PIKFYVE: variants seen among roughly 807,000 people sequenced by gnomAD.
PIKFYVE encodes the protein 1-phosphatidylinositol 3-phosphate 5-kinase.
In PIKFYVE, 122 loss-of-function variants were observed where a neutral mutation model predicts 257.9. The ratio of observed to expected loss-of-function variants is 0.47; its 90% CI spans 0.41 to 0.55. The LOEUF (loss-of-function observed/expected upper bound fraction) is 0.55, where lower values mean the gene tolerates loss of function less well. Ranked by LOEUF, PIKFYVE falls within the 20% of genes least tolerant of loss-of-function variation. The probability of loss-of-function intolerance (pLI) is 0.00; values close to 1 mark genes in which losing one functional copy is unlikely to be tolerated. For synonymous variants in PIKFYVE, 892 were observed against 868.9 expected, an observed-to-expected ratio of 1.03 and a Z score of -0.47; for missense variants, 2,160 against 2,536.6, an observed-to-expected ratio of 0.85 and a Z score of 3.19.
rs1307388480 is a variant in PIKFYVE, at chr2:208,351,356, T to C, written c.5616T>C (p.Asp1872=). ...CATAAAATTTCTGCCTTTTAGATGA[T>C]AGATTTATTTTGAAGCAAATGCCTC... ...SGAAFYATED[D]RFILKQMPRL... The change falls in exon 38 of 42, where the codon GAT becomes GAC. Residue 1872 remains aspartate (D), a synonymous_variant. Coordinates refer to ENST00000264380, the MANE Select transcript of PIKFYVE (RefSeq NM_015040.4). 9 of 1,610,986 alleles carry C rather than the reference T, an allele frequency of 5.6e-6. No individual in the cohort carries two copies. In the Admixed American group the frequency reaches 1.2e-4, roughly 21 times the overall value.
intron 16 of PIKFYVE, 74 bp downstream of exon 16, chr2:208,318,015 T>A: frequency 1.4e-6 from 2 of 1,418,384 alleles, no homozygotes; most frequent in South Asian, 2.3e-5. Context: ...TGGGGCACCT[T>A]AGTTATGGAA....
intron 12 of PIKFYVE, among the ~76,000 whole-genome samples, chr2:208,309,616 C>T (rs564322167): frequency 9.5e-4 from 144 of 152,174 alleles, no homozygotes; most frequent in South Asian, 1.9e-3. Context: ...GGAAAAAAGA[C>T]GTGGTGTTTC....
At chr2:208,288,689 T>G in intron 6 of PIKFYVE, 40 bp from the exon 7 acceptor site, 1 of 1,611,858 alleles carries the variant, frequency 6.2e-7, no homozygotes, top group Non-Finnish European at 8.5e-7. Context: ...TCCCTTTTAC[T>G]GTCCTGAATT....
At position 208,328,198 on chromosome 2, in the gene PIKFYVE, A is replaced by G. The variant is rs771056749; in HGVS notation, c.3637A>G (p.Ile1213Val). ...ATTTCAGGTGGACTGTCTGAATCCCATTAATCACCAGAGACTTTGTGTGCT... is the reference window on the plus strand; with the variant it reads ...ATTTCAGGTGGACTGTCTGAATCCCGTTAATCACCAGAGACTTTGTGTGCT... ...WSTKVDCLNPINHQRLCVLFS... is the reference protein window; with the variant it reads ...WSTKVDCLNPVNHQRLCVLFS... The change falls in exon 21 of 42, where the codon ATT becomes GTT. Residue 1213 changes from isoleucine (I) to valine (V), a missense_variant. Ile to Val is a conservative substitution (Grantham distance 29, BLOSUM62 3). Transcript: ENST00000264380. 43 of 1,613,710 alleles carry G rather than the reference A, an allele frequency of 2.7e-5. No homozygotes were observed. Among genetic ancestry groups the G allele is most frequent in the Non-Finnish European group, 3.4e-5 (40 of 1,179,824 alleles).
chr2:208,298,341 GT>G (rs1270854798), intron 7 of PIKFYVE, among the ~76,000 whole-genome samples: 1 of 151,782 alleles, frequency 6.6e-6, no homozygotes, highest in Non-Finnish European at 1.5e-5. Flanking sequence ...CTATGTAATT[GT>G]TTTCCTGTAA....
Position 208,326,040 on chromosome 2 carries a change from A to T in PIKFYVE, c.3229A>T (p.Thr1077Ser). The change falls in exon 20 of 42, where the codon ACC becomes TCC. Residue 1077 changes from threonine to serine, a missense_variant. This residue lies in a region of PIKFYVE where 522 missense variants were observed against 514.6 expected (regional missense o/e 1.01). Transcript: ENST00000264380. ...LLTEKGMRCS[T>S]RDYFAEQVYW... ...AACTGAAAAGGGGATGAGATGCTCTACCCGAGATTATTTTGCAGAGCAGGT... is the reference window on the plus strand; with the variant it reads ...AACTGAAAAGGGGATGAGATGCTCTTCCCGAGATTATTTTGCAGAGCAGGT... The T allele has an allele frequency of 6.2e-7, 1 of 1,614,158 alleles. No homozygotes were observed. The highest frequency in any genetic ancestry group is 1.1e-5 in the South Asian group (1 of 91,086).
chr2:208,338,590 T>A (rs568929828), intron 29 of PIKFYVE, 22 bp downstream of exon 29: 12 of 1,602,324 alleles, frequency 7.5e-6, no homozygotes, highest in South Asian at 6.6e-5. Context: ...AGTCTGGTGA[T>A]CACTTGCCGT....
In PIKFYVE at chr2:208,355,317, T is replaced by G. The variant is rs1700101830; in HGVS notation, c.*12T>G. 1 of 1,592,346 alleles carries G rather than the reference T, an allele frequency of 6.3e-7. No homozygotes were observed. Among genetic ancestry groups the G allele is most frequent in the Admixed American group, 1.7e-5 (1 of 59,898 alleles). The stretch of plus-strand genomic sequence containing the variant: ...GTCTGAATTGCTGAAATCAAGCACA[T>G]ATTTTGAAATGGACTGTGAAGGAAA... On this transcript the variant is annotated 3_prime_UTR_variant, in exon 42 of 42. Coordinates refer to ENST00000264380, the MANE Select transcript of PIKFYVE (RefSeq NM_015040.4).
At chr2:208,334,426 T>C (rs1697900339) in intron 24 of PIKFYVE, 1 of 152,996 alleles carries the variant, frequency 6.5e-6, no homozygotes, top group Admixed American at 6.5e-5. Context: ...ACCTCTCTGC[T>C]CTTACCTCCT....
In PIKFYVE at chr2:208,320,237, G is replaced by A. The variant is rs765286521; in HGVS notation, c.2083-15G>A. On this transcript the variant is annotated splice_polypyrimidine_tract_variant and intron_variant, in intron 16 of 41. Coordinates refer to ENST00000264380, the MANE Select transcript of PIKFYVE (RefSeq NM_015040.4). ...AAACCTTTAAACACTTTAACAAACT[G>A]TTCATTTTTTGTAGATGAGTTCTTG... 6.2e-7 allele frequency: 1 copy of A among 1,609,018 alleles called. No homozygotes were observed. The highest frequency in any genetic ancestry group is 1.7e-5 in the Admixed American group (1 of 59,756).
chr2:208,321,447 C>T (rs1260972753), intron 17 of PIKFYVE, among the ~76,000 whole-genome samples: 1 of 152,110 alleles, frequency 6.6e-6, no homozygotes, highest in African/African-American at 2.4e-5. Context: ...ACTCTGTGAC[C>T]TGGGGCTGTT....
intron 29 of PIKFYVE, 117 bp downstream of exon 29, chr2:208,338,685 T>A (rs1698410908): frequency 3.1e-6 from 3 of 955,674 alleles, no homozygotes. Flanking sequence ...AGACTTCTTT[T>A]CCTTCCTGTA....
Position 208,355,502 on chromosome 2 carries a change from G to T in PIKFYVE, c.*197G>T. 1.8e-6 allele frequency: 1 copy of T among 558,724 alleles called. No individual in the cohort carries two copies. The highest frequency in any genetic ancestry group is 3.2e-5 in the Admixed American group (1 of 31,684). 34.6% of individuals were successfully genotyped at this position (558,724 alleles called of 1,614,324 possible). On this transcript the variant is annotated 3_prime_UTR_variant, in exon 42 of 42. Coordinates refer to ENST00000264380, the MANE Select transcript of PIKFYVE (RefSeq NM_015040.4). ...TGCACTTTGGTTTTTGATACCTGTGGAGCTGTCTGTAGGTTGGGAAGTGGC... is the reference window on the plus strand; with the variant it reads ...TGCACTTTGGTTTTTGATACCTGTGTAGCTGTCTGTAGGTTGGGAAGTGGC...
chr2:208,334,410 C>T (rs1393814642), intron 24 of PIKFYVE: 1 of 153,316 alleles, frequency 6.5e-6, no homozygotes, highest in Non-Finnish European at 1.5e-5. Flanking sequence ...GCACTGGCTG[C>T]CCAGGACCTC....
At chr2:208,270,216 A>AT (rs1482653366) in intron 1 of PIKFYVE, among the ~76,000 whole-genome samples, 1 of 151,172 alleles carries the variant, frequency 6.6e-6, no homozygotes, top group Non-Finnish European at 1.5e-5. Flanking sequence ...TAATTTTTGT[A>AT]TTTTTGGTAG....
At chr2:208,342,467 T>A (rs888797744) in intron 31 of PIKFYVE, 87 bp from the exon 32 acceptor site, 3 of 950,138 alleles carry the variant, frequency 3.2e-6, no homozygotes, top group Non-Finnish European at 5.0e-6. Context: ...ATTCAGGTTA[T>A]CATATCTGCA....
At chr2:208,335,477 C>G in intron 25 of PIKFYVE, 58 bp downstream of exon 25, 1 of 1,262,254 alleles carries the variant, frequency 7.9e-7, no homozygotes, top group Non-Finnish European at 1.1e-6. Context: ...TTTAAAGTAT[C>G]AGATTTATTC....
At chr2:208,283,052 A>AC (rs938429048) in intron 5 of PIKFYVE, among the ~76,000 whole-genome samples, 1 of 151,644 alleles carries the variant, frequency 6.6e-6, no homozygotes, top group African/African-American at 2.4e-5. Context: ...CTCGCCACTC[A>AC]CCTCCTGCTG....
intron 21 of PIKFYVE, among the ~76,000 whole-genome samples, 173 bp from the exon 22 acceptor site, chr2:208,329,669 C>T (rs985458220): frequency 6.6e-6 from 1 of 152,154 alleles, no homozygotes; most frequent in African/African-American, 2.4e-5. Context: ...TTTAGTGTGG[C>T]AAGTCTAAAC....
Sources: gnomAD v4.1 joint callset for allele counts (sites outside exome capture counted in the v4.1 genomes callset) on GRCh38, gnomAD v4.1.1 for gene constraint, gnomAD v4.1.1 regional missense constraint, MANE v1.5 for transcripts, NCBI Gene and HGNC (gene_info 2026-07-23, HGNC 2026-07-21) for gene names.